Variants in RYR3 observed in about 807,000 individuals in gnomAD.
RYR3 encodes ryanodine receptor 3.
In RYR3, 207 loss-of-function variants were observed where a neutral mutation model predicts 584.3. That is an observed-to-expected ratio of 0.35 (90% CI 0.32 to 0.40). RYR3 has a LOEUF of 0.40. RYR3 is among the 10% of genes least tolerant of loss of function. The probability of loss-of-function intolerance (pLI) is 1.00; values close to 1 mark genes in which losing one functional copy is unlikely to be tolerated. For missense variants in RYR3, 5,616 were observed against 6,089.2 expected, an observed-to-expected ratio of 0.92 and a Z score of 2.59; for synonymous variants, 2,416 against 2,248.5, an observed-to-expected ratio of 1.07 and a Z score of -2.11.
At chr15:33,626,541 A>G (rs1031112437) in intron 20 of RYR3, among the ~76,000 whole-genome samples, 1 of 152,200 alleles carries the variant, frequency 6.6e-6, no homozygotes, top group Non-Finnish European at 1.5e-5. Flanking sequence ...TATAACAAGG[A>G]GCCGAATGTT....
intron 87 of RYR3, among the ~76,000 whole-genome samples, chr15:33,835,502 C>T (rs570145797): frequency 9.2e-5 from 14 of 152,256 alleles, no homozygotes; most frequent in African/African-American, 2.9e-4. Flanking sequence ...GTCTCTGCCT[C>T]TCCTTCTCAC....
chr15:33,425,494 T>C (rs910914488), intron 1 of RYR3, among the ~76,000 whole-genome samples: 5 of 152,130 alleles, frequency 3.3e-5, no homozygotes, highest in African/African-American at 1.2e-4. Flanking sequence ...TCCTGCTGTT[T>C]GCAAAGGATT....
In RYR3 at chr15:33,857,771, C is replaced by T. The variant is rs2079850295; in HGVS notation, c.14008-9C>T. 6.2e-7 allele frequency: 1 copy of T among 1,613,888 alleles called. No homozygotes were observed. The highest frequency in any genetic ancestry group is 1.7e-5 in the Admixed American group (1 of 60,006). ...ACTCCTTTTCCTTTCTCTGTCCTCT[C>T]ATTCCCAGTTGGTTCTGACTGTCGG... On this transcript the variant is annotated splice_polypyrimidine_tract_variant and intron_variant, in intron 98 of 103. Coordinates refer to ENST00000634891, the MANE Select transcript of RYR3 (RefSeq NM_001036.6).
intron 67 of RYR3, among the ~76,000 whole-genome samples, chr15:33,792,361 C>T (rs1427223142): frequency 6.6e-6 from 1 of 152,134 alleles, no homozygotes; most frequent in Non-Finnish European, 1.5e-5. Flanking sequence ...CTCCCCCAAC[C>T]CGAGTCCTTC....
Position 33,563,011 on chromosome 15 carries a change from G to A in RYR3, c.1146+1G>A, listed in dbSNP as rs2057494600. On this transcript the variant is annotated splice_donor_variant, in intron 11 of 103. Transcript: ENST00000634891. LOFTEE classifies it high-confidence loss of function. ...CCGCCTGGGACCTCTAAAAAGAAAG[G>A]TGAGAGTCAGAATATCTGTCTACAA... 1 of 1,607,184 alleles carries A rather than the reference G, an allele frequency of 6.2e-7. No homozygotes were observed. The highest frequency in any genetic ancestry group is 8.5e-7 in the Non-Finnish European group (1 of 1,176,340).
Position 33,483,761 on chromosome 15 carries a change from AT to A in RYR3, c.171+10224del, listed in dbSNP as rs1228184160. On this transcript the variant is annotated intron_variant, in intron 2 of 103. Transcript: ENST00000634891. ...GGCAAACAAATTGAGGGGAATTTGT[AT>A]ACTGATCTTGGGTTTTATTAATCTA... Among the ~76,000 whole-genome samples the A allele has an allele frequency of 9.2e-5, 14 of 152,310 alleles. No individual in the cohort carries two copies. The East Asian group carries it at 2.7e-3, about 29-fold the overall frequency.
At chr15:33,741,970 A>G (rs2070187950) in intron 51 of RYR3, among the ~76,000 whole-genome samples, 1 of 152,146 alleles carries the variant, frequency 6.6e-6, no homozygotes, top group South Asian at 2.1e-4. Context: ...GAAAACCACT[A>G]TTTCATAACA....
At chr15:33,584,912 A>T (rs1367189963) in intron 15 of RYR3, among the ~76,000 whole-genome samples, 1 of 152,078 alleles carries the variant, frequency 6.6e-6, no homozygotes, top group African/African-American at 2.4e-5. Context: ...GAAGAATGAC[A>T]GGGATGAGAG....
intron 6 of RYR3, among the ~76,000 whole-genome samples, chr15:33,540,191 G>T (rs933988525): frequency 1.3e-5 from 2 of 152,158 alleles, no homozygotes; most frequent in Non-Finnish European, 2.9e-5. Context: ...TTTAGCTCTT[G>T]TTTAGGGAAG....
intron 3 of RYR3, among the ~76,000 whole-genome samples, chr15:33,517,104 C>T (rs1168011120): frequency 2.0e-5 from 3 of 152,190 alleles, no homozygotes; most frequent in African/African-American, 7.2e-5. Flanking sequence ...AAGCGATTCT[C>T]CTGCCTCAGC....
chr15:33,640,347 C>T (rs1040154220), intron 27 of RYR3, among the ~76,000 whole-genome samples: 1 of 152,170 alleles, frequency 6.6e-6, no homozygotes, highest in East Asian at 1.9e-4. Context: ...GACCATCTGC[C>T]TGTCATCTCC....
intron 86 of RYR3, among the ~76,000 whole-genome samples, chr15:33,833,233 A>G (rs1041576890): frequency 6.6e-6 from 1 of 152,194 alleles, no homozygotes; most frequent in African/African-American, 2.4e-5. Flanking sequence ...TTTCCTGTAC[A>G]CCTTCATTTC....
At position 33,620,798 on chromosome 15, in the gene RYR3, G is replaced by A. The variant is rs1286088836; in HGVS notation, c.2358-3009G>A. Reference sequence around the variant, plus strand: ...ACAGGCAGTGAGGGGAGGAGCCACAGGTGGTGGGTGTGCCCTGGACCACTG... The same window carrying A: ...ACAGGCAGTGAGGGGAGGAGCCACAAGTGGTGGGTGTGCCCTGGACCACTG... On this transcript the variant is annotated intron_variant, in intron 19 of 103. Transcript: ENST00000634891. 2.6e-5 allele frequency among the ~76,000 whole-genome samples: 4 copies of A among 152,326 alleles called. No homozygotes were observed. The East Asian group carries it at 7.7e-4, about 29-fold the overall frequency.
intron 4 of RYR3, among the ~76,000 whole-genome samples, chr15:33,532,885 G>A (rs1378277911): frequency 1.3e-5 from 2 of 152,142 alleles, no homozygotes; most frequent in African/African-American, 4.8e-5. Flanking sequence ...GGGAGGCCAG[G>A]GCAGGAGGAT....
intron 3 of RYR3, among the ~76,000 whole-genome samples, chr15:33,521,104 C>T (rs965721297): frequency 1.4e-4 from 21 of 145,554 alleles, no homozygotes; most frequent in Non-Finnish European, 2.7e-4. Flanking sequence ...GATCTTCCTA[C>T]GGCTTTAGGT....
At chr15:33,510,962 T>C (rs1006787812) in intron 3 of RYR3, among the ~76,000 whole-genome samples, 1 of 152,222 alleles carries the variant, frequency 6.6e-6, no homozygotes, top group Non-Finnish European at 1.5e-5. Context: ...ACTGGCCTTT[T>C]GATGACATGA....
chr15:33,832,397 G>A (rs2077739072), intron 86 of RYR3, among the ~76,000 whole-genome samples: 1 of 152,150 alleles, frequency 6.6e-6, no homozygotes, highest in Admixed American at 6.5e-5. Context: ...GCTCACGCAA[G>A]TAATCCCAAC....
In RYR3 at chr15:33,766,296, A is replaced by G. The variant is rs970996342; in HGVS notation, c.8706-2362A>G. On this transcript the variant is annotated intron_variant, in intron 60 of 103. Transcript: ENST00000634891. ...AGTCTCCACCTCAAAAAGAAAAAAA[A>G]AAAAAGAAAAAAAGAAAAACCAGTC... Among the ~76,000 whole-genome samples the G allele has an allele frequency of 4.1e-5, 6 of 144,924 alleles. No individual in the cohort carries two copies. The East Asian group carries it at 9.7e-4, about 23-fold the overall frequency.
At chr15:33,628,884 G>A (rs1043080145) in intron 21 of RYR3, among the ~76,000 whole-genome samples, 1 of 152,224 alleles carries the variant, frequency 6.6e-6, no homozygotes, top group Admixed American at 6.5e-5. Context: ...ATCAGAACTT[G>A]TTTAATATGG....
Sources: allele counts gnomAD v4.1 joint callset (sites outside exome capture counted in the v4.1 genomes callset), GRCh38; gene constraint gnomAD v4.1.1; transcripts MANE v1.5; gene names NCBI Gene and HGNC (gene_info 2026-07-23, HGNC 2026-07-21).